CCDC192: variants seen among roughly 807,000 people sequenced by gnomAD.
The protein encoded by CCDC192 is coiled-coil domain containing 192, also known as coiled-coil domain-containing protein 192.
At chr5:127,736,887 G>A (rs1026872634) in intron 2 of CCDC192, among the ~76,000 whole-genome samples, 5 of 137,582 alleles carry the variant, frequency 3.6e-5, no homozygotes, top group African/African-American at 1.3e-4. Context: ...CCAGCTCCTG[G>A]ATTCATTAAT....
At chr5:127,758,311 A>T (rs1754727800) in intron 3 of CCDC192, among the ~76,000 whole-genome samples, 1 of 152,202 alleles carries the variant, frequency 6.6e-6, no homozygotes, top group African/African-American at 2.4e-5. Context: ...TAGCCAACAA[A>T]TAAGAAGGTT....
chr5:127,920,215 C>T (rs1753668259), intron 6 of CCDC192, among the ~76,000 whole-genome samples: 1 of 152,092 alleles, frequency 6.6e-6, no homozygotes, highest in Admixed American at 6.6e-5. Context: ...ATTTTACCCA[C>T]TTGAGAGATT....
chr5:127,875,696 C>T (rs978000968), intron 6 of CCDC192, 35 bp downstream of exon 6: 9 of 398,182 alleles, frequency 2.3e-5, no homozygotes, highest in South Asian at 2.6e-4. Flanking sequence ...CACACTGGCC[C>T]GTCAGCTGGG....
In CCDC192 at chr5:127,744,111, G is replaced by GAA. The variant is rs373524009; in HGVS notation, c.115-10147_115-10146dup. Among the ~76,000 whole-genome samples the GAA allele has an allele frequency of 8.4e-4, 112 of 133,942 alleles. 1 individual carries two copies. The East Asian group carries it at 0.014, about 17-fold the overall frequency. The allele number at this position is 133,942 out of a possible 152,430, so 87.9% of individuals were successfully genotyped here. ...TCCGTCTCAAAAAAAAAAAAAAAAG[G>GAA]AAAAAAAAAAAGAAACTATTGAAAA... On this transcript the variant is annotated intron_variant, in intron 2 of 6. Transcript: ENST00000514853.
chr5:127,725,272 A>G (rs554166167), intron 2 of CCDC192, among the ~76,000 whole-genome samples: 2 of 152,250 alleles, frequency 1.3e-5, no homozygotes, highest in South Asian at 4.1e-4. Flanking sequence ...ATTTGAGGAA[A>G]TTTGTTAAAG....
At chr5:127,730,469 C>G (rs2126814956) in intron 2 of CCDC192, among the ~76,000 whole-genome samples, 1 of 152,240 alleles carries the variant, frequency 6.6e-6, no homozygotes, top group South Asian at 2.1e-4. Context: ...ACCATTTATT[C>G]TGAAACTATT....
intron 6 of CCDC192, among the ~76,000 whole-genome samples, chr5:127,886,936 G>T (rs1189459027): frequency 6.6e-6 from 1 of 152,112 alleles, no homozygotes; most frequent in Non-Finnish European, 1.5e-5. Context: ...AACAAGAATT[G>T]TTACCAGTCT....
intron 2 of CCDC192, among the ~76,000 whole-genome samples, chr5:127,737,285 G>C (rs1313580430): frequency 2.0e-5 from 3 of 152,050 alleles, no homozygotes; most frequent in African/African-American, 4.8e-5. Flanking sequence ...TTGCACTGTG[G>C]TCTGAGAGAT....
intron 6 of CCDC192, among the ~76,000 whole-genome samples, chr5:127,887,456 C>A (rs1410973122): frequency 6.6e-6 from 1 of 151,694 alleles, no homozygotes. Context: ...AGTTGACTCA[C>A]AATACATCAA....
intron 3 of CCDC192, among the ~76,000 whole-genome samples, chr5:127,769,965 A>G (rs931919093): frequency 1.2e-4 from 18 of 152,166 alleles, no homozygotes. Context: ...GGAGGGAGGA[A>G]GAGAGAGAGA....
At chr5:127,795,406 A>G (rs958340669) in intron 3 of CCDC192, among the ~76,000 whole-genome samples, 2 of 151,870 alleles carry the variant, frequency 1.3e-5, no homozygotes, top group Non-Finnish European at 2.9e-5. Context: ...TAGATGTTTG[A>G]TATGTTCCAG....
At chr5:127,740,220 A>G (rs1038816755) in intron 2 of CCDC192, 1 of 152,226 alleles carries the variant, frequency 6.6e-6, no homozygotes, top group Admixed American at 6.5e-5. Context: ...TGCACTGAGT[A>G]GCTACAGTTG....
intron 5 of CCDC192, among the ~76,000 whole-genome samples, chr5:127,825,854 C>T (rs61332389): frequency 6.6e-6 from 1 of 152,254 alleles, no homozygotes; most frequent in African/African-American, 2.4e-5. Flanking sequence ...ATATTTAATG[C>T]AATGCTTGGC....
At chr5:127,731,524 T>A (rs992828058) in intron 2 of CCDC192, among the ~76,000 whole-genome samples, 5 of 152,168 alleles carry the variant, frequency 3.3e-5, no homozygotes, top group African/African-American at 1.2e-4. Flanking sequence ...ACTTTAGAAT[T>A]CATACAGAAC....
chr5:127,901,834 A>G (rs1753046423), intron 6 of CCDC192, among the ~76,000 whole-genome samples: 1 of 152,168 alleles, frequency 6.6e-6, no homozygotes. Context: ...TGTATTCTGC[A>G]ACTTTATTTT....
rs994558484 is a variant in CCDC192, at chr5:127,706,452, G to A, written c.63-1257G>A. On this transcript the variant is annotated intron_variant, in intron 1 of 6. Coordinates refer to ENST00000514853, the MANE Select transcript of CCDC192 (RefSeq NM_001317938.2). ...TGAGGCAGTAGAATCACTTGAACCCGGGAAGTGGAGGCAGTGAGCCGAGAT... is the reference window on the plus strand; with the variant it reads ...TGAGGCAGTAGAATCACTTGAACCCAGGAAGTGGAGGCAGTGAGCCGAGAT... 9.9e-5 allele frequency among the ~76,000 whole-genome samples: 15 copies of A among 151,000 alleles called. No individual in the cohort carries two copies. In the South Asian group the frequency reaches 1.9e-3, roughly 19 times the overall value.
chr5:127,802,065 C>G, intron 5 of CCDC192, among the ~76,000 whole-genome samples: 1 of 152,108 alleles, frequency 6.6e-6, no homozygotes, highest in East Asian at 1.9e-4. Context: ...TAAGTAGGAA[C>G]TCAAAATAGG....
chr5:127,816,167 G>C (rs1467939521), intron 5 of CCDC192, among the ~76,000 whole-genome samples: 1 of 152,150 alleles, frequency 6.6e-6, no homozygotes, highest in Non-Finnish European at 1.5e-5. Flanking sequence ...GTTCTGGAGA[G>C]AGTGACTTAG....
intron 5 of CCDC192, among the ~76,000 whole-genome samples, chr5:127,861,251 G>A (rs1042955113): frequency 2.6e-5 from 4 of 151,378 alleles, no homozygotes; most frequent in African/African-American, 7.3e-5. Flanking sequence ...CAGGTGATCC[G>A]CCTGCCTCGG....
Sources: gnomAD v4.1 joint callset for allele counts (sites outside exome capture counted in the v4.1 genomes callset) on GRCh38, gnomAD v4.1.1 for gene constraint, MANE v1.5 for transcripts, NCBI Gene and HGNC (gene_info 2026-07-23, HGNC 2026-07-21) for gene names.